UNC80: variants seen among roughly 807,000 people sequenced by gnomAD.
UNC80 encodes unc-80 subunit of NALCN channel complex.
A neutral mutation model predicts 384.6 loss-of-function variants in UNC80; 164 were observed. That is an observed-to-expected ratio of 0.43 (90% CI 0.38 to 0.49). The LOEUF (loss-of-function observed/expected upper bound fraction) is 0.49, where lower values mean the gene tolerates loss of function less well. UNC80 is among the 20% of genes least tolerant of loss of function. The probability of loss-of-function intolerance (pLI) is 0.00; values close to 1 mark genes in which losing one functional copy is unlikely to be tolerated. For synonymous variants in UNC80, 1,486 were observed against 1,527.8 expected (o/e 0.97, Z 0.64); for missense variants, 3,330 against 4,143.0 (o/e 0.80, Z 5.39).
chr2:209,808,203 T>C (rs1307509574), intron 7 of UNC80, among the ~76,000 whole-genome samples: 1 of 152,238 alleles, frequency 6.6e-6, no homozygotes, highest in Non-Finnish European at 1.5e-5. Flanking sequence ...TTTAGTCATC[T>C]GTTGCCCTCA....
chr2:209,833,170 T>C (rs563135382), intron 16 of UNC80, among the ~76,000 whole-genome samples: 1 of 151,754 alleles, frequency 6.6e-6, no homozygotes, highest in South Asian at 2.1e-4. Context: ...TCCTAAAAAT[T>C]ATGGACATAA....
At chr2:209,792,523 A>G (rs888615988) in intron 6 of UNC80, among the ~76,000 whole-genome samples, 2 of 151,872 alleles carry the variant, frequency 1.3e-5, no homozygotes, top group African/African-American at 4.8e-5. Flanking sequence ...AATTTTTTGT[A>G]TTTTTAGTAG....
At chr2:209,864,381 G>T (rs1333336062) in intron 22 of UNC80, among the ~76,000 whole-genome samples, 1 of 152,142 alleles carries the variant, frequency 6.6e-6, no homozygotes, top group Non-Finnish European at 1.5e-5. Flanking sequence ...TGGTGGAGGG[G>T]GTGTGCCTTG....
chr2:209,924,503 C>T (rs2090277477), intron 35 of UNC80, among the ~76,000 whole-genome samples: 1 of 152,132 alleles, frequency 6.6e-6, no homozygotes. Context: ...TAGTTTAAAA[C>T]TCTGCCCTTC....
At chr2:209,859,393 A>G (rs2083190047) in intron 22 of UNC80, among the ~76,000 whole-genome samples, 1 of 152,152 alleles carries the variant, frequency 6.6e-6, no homozygotes, top group African/African-American at 2.4e-5. Context: ...ATACTATTCC[A>G]TGGTGTATAT....
intron 59 of UNC80, 73 bp downstream of exon 59, chr2:209,978,781 G>GC: frequency 7.4e-7 from 1 of 1,349,070 alleles, no homozygotes; most frequent in Non-Finnish European, 9.7e-7. Flanking sequence ...AAGGATTACT[G>GC]CCCTTCTGAC....
At position 209,819,121 on chromosome 2, in the gene UNC80, A is replaced by G. The variant is rs369499490; in HGVS notation, c.1822A>G (p.Met608Val). The change falls in exon 12 of 65, where the codon ATG becomes GTG. Residue 608 changes from methionine (M) to valine (V), a missense_variant. This residue lies in a region of UNC80 where 937 missense variants were observed against 1,026.8 expected (regional missense o/e 0.91). Coordinates refer to ENST00000673920, the MANE Select transcript of UNC80 (RefSeq NM_001371986.1). ...CTGCAACCAGGTGCCTATCCCGGAG[A>G]TGCCACATGAACCTCTGGCATGTGC... ...KLCNQVPIPE[M>V]PHEPLACANL... is the part of the protein sequence containing the mutation. 142 of 1,552,108 alleles carry G rather than the reference A, an allele frequency of 9.1e-5. No homozygotes were observed. The highest frequency in any genetic ancestry group is 8.7e-5 in the Non-Finnish European group (100 of 1,147,120).
At chr2:209,943,999 G>T (rs1248426406) in intron 45 of UNC80, among the ~76,000 whole-genome samples, 1 of 152,142 alleles carries the variant, frequency 6.6e-6, no homozygotes, top group Non-Finnish European at 1.5e-5. Context: ...GCAGGTTGTT[G>T]CAGGTTGTGG....
chr2:209,803,237 A>G (rs999854243), intron 7 of UNC80, among the ~76,000 whole-genome samples: 1 of 152,220 alleles, frequency 6.6e-6, no homozygotes, highest in Non-Finnish European at 1.5e-5. Context: ...GAACACCATC[A>G]GATGGGAATC....
chr2:209,796,415 A>G (rs998387201), intron 7 of UNC80: 2 of 152,144 alleles, frequency 1.3e-5, no homozygotes, highest in Non-Finnish European at 2.9e-5. Context: ...TTAATGCTGA[A>G]ATGAGTTAAG....
At chr2:209,913,758 A>C (rs1301158350) in intron 30 of UNC80, 44 bp from the exon 31 acceptor site, 99 of 1,511,160 alleles carry the variant, frequency 6.6e-5, no homozygotes, top group Non-Finnish European at 8.5e-5. Flanking sequence ...TGCAGTATTC[A>C]CTGTCTTAAA....
chr2:209,820,341 A>G lies in UNC80; in HGVS notation c.1993A>G (p.Asn665Asp). The G allele has an allele frequency of 6.5e-7, 1 of 1,549,250 alleles. No homozygotes were observed. The highest frequency in any genetic ancestry group is 8.7e-7 in the Non-Finnish European group (1 of 1,146,096). The part of the protein sequence containing the change: ...VVLKAVYLVL[N>D]HDISSRICDV... Reference sequence around the variant, plus strand: ...TCTGAAGGCTGTTTATCTTGTCCTTAATCATGACATCAGCTCTCGTATCTG... The same window carrying G: ...TCTGAAGGCTGTTTATCTTGTCCTTGATCATGACATCAGCTCTCGTATCTG... Residue 665 changes from asparagine (N) to aspartate (D), a missense_variant, in exon 13 of 65, where the codon AAT (asparagine) becomes GAT (aspartate). Transcript: ENST00000673920.
intron 47 of UNC80, among the ~76,000 whole-genome samples, chr2:209,953,082 A>G (rs2092261118): frequency 6.6e-6 from 1 of 152,176 alleles, no homozygotes; most frequent in South Asian, 2.1e-4. Flanking sequence ...GCTGTTTTCT[A>G]GAACCCACAA....
chr2:209,816,599 G>A (rs1446253137), intron 9 of UNC80, among the ~76,000 whole-genome samples: 1 of 152,198 alleles, frequency 6.6e-6, no homozygotes, highest in Non-Finnish European at 1.5e-5. Flanking sequence ...TAATATGTCT[G>A]AGAATTTGCA....
Position 209,777,502 on chromosome 2 carries a change from C to T in UNC80, c.543C>T (p.Ser181=), listed in dbSNP as rs371780216. 7 of 1,614,036 alleles carry T rather than the reference C, an allele frequency of 4.3e-6. No individual in the cohort carries two copies. The highest frequency in any genetic ancestry group is 1.3e-5 in the African/African-American group (1 of 74,944). The change falls in exon 4 of 65, where the codon TCC becomes TCT. Residue 181 remains serine (S), a synonymous_variant. Transcript: ENST00000673920. ...ENNRRKIFQN[S]MATVELFVFL... ...ACCGAAGAAAGATCTTCCAGAACTCCATGGCTACTGTGGAGCTCTTCGTGT... is the reference window on the plus strand; with the variant it reads ...ACCGAAGAAAGATCTTCCAGAACTCTATGGCTACTGTGGAGCTCTTCGTGT...
At chr2:209,774,083 G>A (rs1413720286) in intron 2 of UNC80, among the ~76,000 whole-genome samples, 1 of 152,108 alleles carries the variant, frequency 6.6e-6, no homozygotes, top group Non-Finnish European at 1.5e-5. Context: ...TTTGGATATT[G>A]CCATGCATAT....
intron 61 of UNC80, among the ~76,000 whole-genome samples, chr2:209,986,044 T>C (rs988634576): frequency 6.6e-6 from 1 of 152,200 alleles, no homozygotes; most frequent in African/African-American, 2.4e-5. Context: ...AATGTGGAAG[T>C]GCTGCAGAAT....
At position 209,999,133 on chromosome 2, in the gene UNC80, CTCAGA is replaced by C. The variant is rs1383236967; in HGVS notation, c.*3540_*3544del. On this transcript the variant is annotated 3_prime_UTR_variant, in exon 65 of 65. Coordinates refer to ENST00000673920, the MANE Select transcript of UNC80 (RefSeq NM_001371986.1). ...AAAATTGACTACACAGCCGACTTCC[CTCAGA>C]TAACTATGAAGTCTATTATGAGTAC... 4 of 152,054 alleles carry C rather than the reference CTCAGA, an allele frequency of 2.6e-5. No homozygotes were observed. Among genetic ancestry groups the C allele is most frequent in the Non-Finnish European group, 5.9e-5 (4 of 68,014 alleles). 9.4% of individuals were successfully genotyped at this position (152,054 alleles called of 1,614,324 possible).
intron 7 of UNC80, among the ~76,000 whole-genome samples, chr2:209,797,863 G>A (rs1036352250): frequency 6.6e-5 from 10 of 152,204 alleles, no homozygotes; most frequent in Middle Eastern, 3.2e-3. Context: ...TGACTGGCAT[G>A]AGATGGTATC....
Sources: allele counts gnomAD v4.1 joint callset (sites outside exome capture counted in the v4.1 genomes callset), GRCh38; gene constraint gnomAD v4.1.1; regional missense constraint gnomAD v4.1.1; transcripts MANE v1.5; gene names NCBI Gene and HGNC (gene_info 2026-07-23, HGNC 2026-07-21).